The following DDX46 variants were observed in gnomAD, a reference collection of about 807,000 sequenced individuals.
DDX46 encodes the protein probable ATP-dependent RNA helicase DDX46.
A neutral mutation model predicts 134.9 loss-of-function variants in DDX46; 30 were observed. That is an observed-to-expected ratio of 0.22 (90% CI 0.17 to 0.30). The LOEUF is 0.30. DDX46 is among the 10% of genes least tolerant of loss of function. The pLI is 1.00. For synonymous variants in DDX46, 415 were observed against 404.1 expected (o/e 1.03, Z -0.32); for missense variants, 622 against 1,248.7 (o/e 0.50, Z 7.56).
chr5:134,767,122 C>CA, intron 3 of DDX46, 62 bp downstream of exon 3: 3 of 1,209,786 alleles, frequency 2.5e-6, no homozygotes, highest in Middle Eastern at 2.7e-4. Flanking sequence ...TTCTCTGCGC[C>CA]TTTTTTTTTT....
intron 1 of DDX46, among the ~76,000 whole-genome samples, chr5:134,762,888 C>T (rs1334978569): frequency 6.6e-6 from 1 of 151,986 alleles, no homozygotes; most frequent in Non-Finnish European, 1.5e-5. Context: ...AACCCCATCT[C>T]TTCTAAAAAT....
At chr5:134,790,887 C>T (rs1452766973) in intron 13 of DDX46, among the ~76,000 whole-genome samples, 4 of 151,916 alleles carry the variant, frequency 2.6e-5, no homozygotes, top group African/African-American at 4.8e-5. Flanking sequence ...CAGTGGAGAA[C>T]GATCACTACT....
intron 9 of DDX46, among the ~76,000 whole-genome samples, 176 bp downstream of exon 9, chr5:134,783,241 TTTTTG>T (rs899581663): frequency 2.0e-5 from 3 of 151,908 alleles, no homozygotes; most frequent in East Asian, 3.9e-4. Flanking sequence ...AACTGGTTTT[TTTTTG>T]TTTTGTTTTG....
chr5:134,799,466 C>T (rs1051909678), intron 15 of DDX46, among the ~76,000 whole-genome samples: 10 of 151,406 alleles, frequency 6.6e-5, no homozygotes, highest in South Asian at 4.2e-4. Flanking sequence ...AGCTGGGTGC[C>T]GTGGCTCACG....
chr5:134,769,022 C>T (rs1753672493), intron 3 of DDX46, among the ~76,000 whole-genome samples: 1 of 152,288 alleles, frequency 6.6e-6, no homozygotes, highest in Non-Finnish European at 1.5e-5. Context: ...TGCGCCACTG[C>T]ACTCCAGCCT....
At chr5:134,779,292 C>T (rs1169054235) in intron 6 of DDX46, among the ~76,000 whole-genome samples, 1 of 152,068 alleles carries the variant, frequency 6.6e-6, no homozygotes, top group Non-Finnish European at 1.5e-5. Context: ...CTCCCAGGCT[C>T]AAGTGATTCT....
chr5:134,811,250 T>G lies in DDX46; in HGVS notation c.2178T>G (p.Asp726Glu). ...ATGCTTATACTTTTATCACAGAGGATCAAGCTCGCTATGCTGGTGACATAA... is the reference window on the plus strand; with the variant it reads ...ATGCTTATACTTTTATCACAGAGGAGCAAGCTCGCTATGCTGGTGACATAA... ...KGYAYTFITE[D>E]QARYAGDIIK... is the part of the protein sequence containing the mutation. Residue 726 changes from aspartate (D) to glutamate (E), a missense_variant, in exon 17 of 23, where the codon GAT becomes GAG. Asp to Glu is a conservative substitution (Grantham distance 45, BLOSUM62 2). Coordinates refer to ENST00000452510, the MANE Select transcript of DDX46 (RefSeq NM_001300860.2). The G allele has an allele frequency of 6.2e-7, 1 of 1,614,058 alleles. No homozygotes were observed. Among genetic ancestry groups the G allele is most frequent in the Non-Finnish European group, 8.5e-7 (1 of 1,179,988 alleles).
At chr5:134,764,441 CCTGT>C (rs745451970) in intron 2 of DDX46, among the ~76,000 whole-genome samples, 6 of 152,214 alleles carry the variant, frequency 3.9e-5, no homozygotes, top group Admixed American at 1.3e-4. Flanking sequence ...CACCACCACA[CCTGT>C]CTAATTTTTG....
chr5:134,760,079 G>C (rs916777983), intron 1 of DDX46, among the ~76,000 whole-genome samples: 1 of 152,102 alleles, frequency 6.6e-6, no homozygotes, highest in Non-Finnish European at 1.5e-5. Context: ...TTCCTCTGTT[G>C]CTCTCCTAAT....
chr5:134,784,216 A>T, intron 9 of DDX46, 150 bp from the exon 10 acceptor site: 1 of 662,338 alleles, frequency 1.5e-6, no homozygotes, highest in Non-Finnish European at 2.4e-6. Flanking sequence ...AGAATGTGTT[A>T]GTACTTCATT....
At chr5:134,806,008 T>G (rs1754977258) in intron 15 of DDX46, among the ~76,000 whole-genome samples, 1 of 150,578 alleles carries the variant, frequency 6.6e-6, no homozygotes, top group Non-Finnish European at 1.5e-5. Flanking sequence ...AGGTCAGGAG[T>G]TCAAGACCAG....
intron 15 of DDX46, chr5:134,797,190 A>AAAAC: frequency 3.4e-6 from 1 of 296,320 alleles, no homozygotes; most frequent in Non-Finnish European, 6.4e-6. Flanking sequence ...AAAAAAAAAA[A>AAAAC]AAAAAAACAC....
intron 11 of DDX46, among the ~76,000 whole-genome samples, chr5:134,786,444 A>G (rs2150143719): frequency 6.6e-6 from 1 of 152,210 alleles, no homozygotes; most frequent in South Asian, 2.1e-4. Context: ...ATATTCAGAA[A>G]GATTTATTAA....
At chr5:134,774,472 C>T (rs1026146293) in intron 5 of DDX46, among the ~76,000 whole-genome samples, 1 of 152,020 alleles carries the variant, frequency 6.6e-6, no homozygotes, top group Non-Finnish European at 1.5e-5. Flanking sequence ...GAACTATATA[C>T]CCAGAAGTGG....
intron 13 of DDX46, among the ~76,000 whole-genome samples, chr5:134,792,189 T>A (rs1267582049): frequency 1.3e-5 from 2 of 151,640 alleles, no homozygotes; most frequent in African/African-American, 4.8e-5. Flanking sequence ...AAAATAATAA[T>A]ATAATAATAA....
At chr5:134,797,226 G>T (rs1021234508) in intron 15 of DDX46, 2 of 224,182 alleles carry the variant, frequency 8.9e-6, no homozygotes, top group African/African-American at 2.6e-5. Context: ...GAGACAGTTT[G>T]AATTATTCTC....
At chr5:134,777,465 G>A (rs1003902599) in intron 5 of DDX46, 109 bp from the exon 6 acceptor site, 1 of 1,218,344 alleles carries the variant, frequency 8.2e-7, no homozygotes, top group African/African-American at 1.6e-5. Context: ...AATTGGAAAA[G>A]GGGTGTTTGG....
chr5:134,823,434 C>T lies in DDX46; in HGVS notation c.2978-3513C>T, dbSNP rs567776245. The stretch of plus-strand genomic sequence containing the variant: ...GATTACAGGCGAGAGCCACCACGCC[C>T]GGCAAATACAGCTGTTATGTTTTCC... On this transcript the variant is annotated intron_variant, in intron 21 of 22. Transcript: ENST00000452510. Among the ~76,000 whole-genome samples the T allele has an allele frequency of 7.9e-5, 12 of 152,234 alleles. No homozygotes were observed. The South Asian group carries it at 1.5e-3, about 18-fold the overall frequency.
At position 134,777,763 on chromosome 5, in the gene DDX46, C is replaced by T. The variant is rs139332323; in HGVS notation, c.765+38C>T. On this transcript the variant is annotated intron_variant, in intron 6 of 22. Transcript: ENST00000452510. ...TTATTTTTAAAGATTTCCGTTTCCT[C>T]TTGGGTAACTTGAGTTCTCCATTGC... 1.3e-5 allele frequency: 20 copies of T among 1,570,496 alleles called. No homozygotes were observed. In the South Asian group the frequency reaches 2.2e-4, roughly 17 times the overall value.
Sources: gnomAD v4.1 joint callset for allele counts (sites outside exome capture counted in the v4.1 genomes callset) on GRCh38, gnomAD v4.1.1 for gene constraint, MANE v1.5 for transcripts, NCBI Gene and HGNC (gene_info 2026-07-23, HGNC 2026-07-21) for gene names.